PHF3: variants seen among roughly 807,000 people sequenced by gnomAD.
The protein encoded by PHF3 is PHD finger protein 3.
Under a neutral mutation model 178.4 loss-of-function variants are expected in PHF3, and 41 were observed. That is an observed-to-expected ratio of 0.23 (90% CI 0.18 to 0.30). The LOEUF is 0.30. PHF3 is among the 10% of genes least tolerant of loss of function. PHF3 has a pLI of 1.00. For synonymous variants in PHF3, 842 were observed against 800.5 expected, an observed-to-expected ratio of 1.05 and a Z score of -0.88; for missense variants, 2,346 against 2,398.1, an observed-to-expected ratio of 0.98 and a Z score of 0.45.
At chr6:63,646,953 C>T (rs1362751824) in intron 2 of PHF3, among the ~76,000 whole-genome samples, 158 bp downstream of exon 2, 1 of 142,766 alleles carries the variant, frequency 7.0e-6, no homozygotes, top group Non-Finnish European at 1.5e-5. Flanking sequence ...AGCTTCTTTT[C>T]CAGGCATCAG....
At chr6:63,693,468 A>G (rs530757065) in intron 5 of PHF3, among the ~76,000 whole-genome samples, 11 of 152,262 alleles carry the variant, frequency 7.2e-5, no homozygotes, top group African/African-American at 2.6e-4. Flanking sequence ...TACAAAAATT[A>G]GCCGAGCATG....
In PHF3 at chr6:63,721,192, ACCTT is replaced by A; in HGVS notation, c.*7487_*7490del. 6.4e-7 allele frequency: 1 copy of A among 1,551,668 alleles called. No homozygotes were observed. Among genetic ancestry groups the A allele is most frequent in the South Asian group, 1.2e-5 (1 of 84,060 alleles). ...GAAAATGAAGTTTTGTTTTCACAAT[ACCTT>A]CCCACCCAACCCAAAGTACACAGGC... On this transcript the variant is annotated 3_prime_UTR_variant, in exon 16 of 16. Transcript: ENST00000262043.
At chr6:63,641,534 G>A (rs12192145) in intron 1 of PHF3, among the ~76,000 whole-genome samples, 184 of 62,114 alleles carry the variant, frequency 3.0e-3, no homozygotes, top group Non-Finnish European at 4.2e-3. Flanking sequence ...GTGTATGTGT[G>A]TGTGTGTGTG....
chr6:63,646,806 CTTTTTTTTTTT>C lies in PHF3; in HGVS notation c.244+23_244+33del. On this transcript the variant is annotated intron_variant, in intron 2 of 15. Coordinates refer to ENST00000262043, the MANE Select transcript of PHF3 (RefSeq NM_001370348.2). Reference sequence around the variant, plus strand: ...TGCCTTGTTCAACAGGTAATTCTTACTTTTTTTTTTTTTTTTTTTTTTAGTCTGCAATTTAA... The same window carrying C: ...TGCCTTGTTCAACAGGTAATTCTTACTTTTTTTTTTTAGTCTGCAATTTAA... The C allele has an allele frequency of 3.0e-6, 3 of 1,013,308 alleles. No homozygotes were observed. The highest frequency in any genetic ancestry group is 3.6e-6 in the Non-Finnish European group (3 of 830,330). The allele number at this position is 1,013,308 out of a possible 1,614,324, so 62.8% of individuals were successfully genotyped here. A position where few individuals can be genotyped will look rare whatever the true frequency, so the allele number is the denominator to read the frequency against.
chr6:63,676,742 T>C (rs1173731288), intron 2 of PHF3, among the ~76,000 whole-genome samples: 1 of 152,168 alleles, frequency 6.6e-6, no homozygotes, highest in Non-Finnish European at 1.5e-5. Context: ...CAGAAGAATA[T>C]TAACGTGATC....
Position 63,725,217 on chromosome 6 carries a change from A to G in PHF3, c.*11509A>G, listed in dbSNP as rs1768566992. On this transcript the variant is annotated 3_prime_UTR_variant, in exon 16 of 16. Transcript: ENST00000262043. The stretch of plus-strand genomic sequence containing the variant: ...GTAGTGTCTGATGGCATAAAAAAGG[A>G]AACTCTTGATTGTCTTGAACTACAT... Among the ~76,000 whole-genome samples the G allele has an allele frequency of 6.6e-6, 1 of 152,142 alleles. No individual in the cohort carries two copies. The highest frequency in any genetic ancestry group is 2.4e-5 in the African/African-American group (1 of 41,454).
At chr6:63,648,902 T>C (rs550684127) in intron 2 of PHF3, among the ~76,000 whole-genome samples, 1 of 152,280 alleles carries the variant, frequency 6.6e-6, no homozygotes, top group South Asian at 2.1e-4. Flanking sequence ...TAGGATTGTT[T>C]AAATTTCATT....
Position 63,712,931 on chromosome 6 carries a change from C to T in PHF3, c.5343C>T (p.Thr1781=). The T allele has an allele frequency of 6.2e-7, 1 of 1,614,016 alleles. No homozygotes were observed. Among genetic ancestry groups the T allele is most frequent in the African/African-American group, 1.3e-5 (1 of 75,016 alleles). The change falls in exon 16 of 16, where the codon ACC becomes ACT. Residue 1781 remains threonine (T), a synonymous_variant. Coordinates refer to ENST00000262043, the MANE Select transcript of PHF3 (RefSeq NM_001370348.2). ...CPSEFPSKSI[T]FTSRSTSPRT... ...CAGAATTTCCTTCTAAAAGCATCAC[C>T]TTTACTTCCAGAAGCACCAGCCCCA...
chr6:63,684,953 T>A lies in PHF3; in HGVS notation c.1231T>A (p.Leu411Met). The A allele has an allele frequency of 2.5e-6, 4 of 1,614,008 alleles. No individual in the cohort carries two copies. Among genetic ancestry groups the A allele is most frequent in the Non-Finnish European group, 3.4e-6 (4 of 1,179,916 alleles). ...YCEDAESNRQ[L>M]ESTEFNKSNL... Reference sequence around the variant, plus strand: ...TGAAGATGCGGAGTCTAATAGGCAGTTGGAGAGCACTGAGTTTAATAAATC... The same window carrying A: ...TGAAGATGCGGAGTCTAATAGGCAGATGGAGAGCACTGAGTTTAATAAATC... The change falls in exon 4 of 16, where the codon TTG (leucine) becomes ATG (methionine). Residue 411 changes from leucine to methionine, a missense_variant. Physicochemically the swap from Leu to Met is conservative, Grantham distance 15. This residue lies in a region of PHF3 where 843 missense variants were observed against 795.2 expected (regional missense o/e 1.06). Coordinates refer to ENST00000262043, the MANE Select transcript of PHF3 (RefSeq NM_001370348.2).
At position 63,685,102 on chromosome 6, in the gene PHF3, G is replaced by A. The variant is rs1282710830; in HGVS notation, c.1380G>A (p.Glu460=). ...QLNAIESTKI[E]SHETANLQDD... is the part of the protein sequence containing the mutation. ...ATGCTATAGAAAGTACTAAAATAGAGTCCCATGAAACAGCAAACCTTCAGG... is the reference window on the plus strand; with the variant it reads ...ATGCTATAGAAAGTACTAAAATAGAATCCCATGAAACAGCAAACCTTCAGG... The change falls in exon 4 of 16, where the codon GAG becomes GAA. Residue 460 remains glutamate (E), a synonymous_variant. Coordinates refer to ENST00000262043, the MANE Select transcript of PHF3 (RefSeq NM_001370348.2). 6.2e-7 allele frequency: 1 copy of A among 1,613,864 alleles called. No homozygotes were observed. Among genetic ancestry groups the A allele is most frequent in the African/African-American group, 1.3e-5 (1 of 74,896 alleles).
intron 2 of PHF3, among the ~76,000 whole-genome samples, chr6:63,667,912 C>T (rs1289062516): frequency 1.3e-5 from 2 of 152,148 alleles, no homozygotes; most frequent in Non-Finnish European, 2.9e-5. Context: ...TCATCTGACT[C>T]TTGATGTTAA....
Position 63,712,800 on chromosome 6 carries a change from C to A in PHF3, c.5212C>A (p.Pro1738Thr), listed in dbSNP as rs758489566. Residue 1738 changes from proline (P) to threonine (T), a missense_variant, in exon 16 of 16, where the codon CCC becomes ACC. Around this residue, in one of 8 missense-constraint regions of PHF3, gnomAD observed 839 missense variants for 806.9 expected, o/e 1.04. Coordinates refer to ENST00000262043, the MANE Select transcript of PHF3 (RefSeq NM_001370348.2). The part of the protein sequence containing the change: ...IQTSQAEQAK[P>T]LQEDILMQNI... ...GACTTCTCAAGCAGAACAAGCAAAA[C>A]CCTTACAGGAGGATATTTTAATGCA... 2 of 1,613,936 alleles carry A rather than the reference C, an allele frequency of 1.2e-6. No homozygotes were observed. Among genetic ancestry groups the A allele is most frequent in the African/African-American group, 1.3e-5 (1 of 74,998 alleles).
chr6:63,704,082 T>C (rs767927738), intron 11 of PHF3, among the ~76,000 whole-genome samples: 4 of 152,200 alleles, frequency 2.6e-5, no homozygotes, highest in Non-Finnish European at 5.9e-5. Flanking sequence ...TAAAAAAGCT[T>C]TTTATTTTTA....
chr6:63,659,242 T>C (rs1405848652), intron 2 of PHF3, among the ~76,000 whole-genome samples: 1 of 152,182 alleles, frequency 6.6e-6, no homozygotes, highest in African/African-American at 2.4e-5. Flanking sequence ...TTGTACACCA[T>C]AAACATATAT....
Position 63,713,558 on chromosome 6 carries a change from G to A in PHF3, c.5970G>A (p.Arg1990=). Residue 1990 remains arginine, a synonymous_variant, in exon 16 of 16, where the codon AGG becomes AGA. Coordinates refer to ENST00000262043, the MANE Select transcript of PHF3 (RefSeq NM_001370348.2). ...ATGGAAAAGCAAGCAGAGATAGTAG[G>A]AATGTAGACAAGAAGCCAGATAAAC... ...GTDGKASRDS[R]NVDKKPDKPK... is the part of the protein sequence containing the mutation. 1 of 1,613,648 alleles carries A rather than the reference G, an allele frequency of 6.2e-7. No individual in the cohort carries two copies. Among genetic ancestry groups the A allele is most frequent in the South Asian group, 1.1e-5 (1 of 91,054 alleles).
chr6:63,702,855 T>C (rs1308755950), intron 10 of PHF3, among the ~76,000 whole-genome samples: 1 of 151,404 alleles, frequency 6.6e-6, no homozygotes, highest in Admixed American at 6.6e-5. Context: ...TGTAGATTCC[T>C]GGAGTGCTCT....
At position 63,721,519 on chromosome 6, in the gene PHF3, C is replaced by G; in HGVS notation, c.*7811C>G. On this transcript the variant is annotated 3_prime_UTR_variant, in exon 16 of 16. Transcript: ENST00000262043. ...CCTTGAAAACCTACAGGTTCATTTTCTATTGCCATGGGATTTACAAGATTT... is the reference window on the plus strand; with the variant it reads ...CCTTGAAAACCTACAGGTTCATTTTGTATTGCCATGGGATTTACAAGATTT... 6.4e-7 allele frequency: 1 copy of G among 1,551,442 alleles called. No individual in the cohort carries two copies. The highest frequency in any genetic ancestry group is 8.7e-7 in the Non-Finnish European group (1 of 1,146,658).
rs1767425259 is a variant in PHF3 at position 63,700,501 on chromosome 6, A to C, written c.3099+35A>C. 3 of 1,149,182 alleles carry C rather than the reference A, an allele frequency of 2.6e-6. No homozygotes were observed. The Admixed American group carries it at 5.7e-5, about 22-fold the overall frequency. 71.2% of individuals were successfully genotyped at this position (1,149,182 alleles called of 1,614,324 possible). On this transcript the variant is annotated intron_variant, in intron 9 of 15. Transcript: ENST00000262043. The stretch of plus-strand genomic sequence containing the variant: ...TCTATAAATATGCATTTGACTATCA[A>C]AATCTATGTTTTTCAGCCATTGGGT...
intron 1 of PHF3, among the ~76,000 whole-genome samples, chr6:63,640,430 C>T (rs935423770): frequency 6.6e-6 from 1 of 152,152 alleles, no homozygotes; most frequent in African/African-American, 2.4e-5. Flanking sequence ...TAGCCCCTCT[C>T]TTGTAAATTG....
Sources: gnomAD v4.1 joint callset for allele counts (sites outside exome capture counted in the v4.1 genomes callset) on GRCh38, gnomAD v4.1.1 for gene constraint, gnomAD v4.1.1 regional missense constraint, MANE v1.5 for transcripts, NCBI Gene and HGNC (gene_info 2026-07-23, HGNC 2026-07-21) for gene names.